Variants in AVL9 observed in about 807,000 individuals in gnomAD.
The protein encoded by AVL9 is late secretory pathway protein AVL9 homolog.
AVL9 carries 49 observed loss-of-function variants against 79.2 expected under a neutral mutation model. That is an observed-to-expected ratio of 0.62 (90% CI 0.49 to 0.79). The LOEUF (loss-of-function observed/expected upper bound fraction) is 0.79, where lower values mean the gene tolerates loss of function less well. Ranked by LOEUF, AVL9 falls within the 30% of genes least tolerant of loss-of-function variation. The pLI is 0.00. For synonymous variants in AVL9, 299 were observed against 280.6 expected, an observed-to-expected ratio of 1.07 and a Z score of -0.65; for missense variants, 682 against 776.8, an observed-to-expected ratio of 0.88 and a Z score of 1.45.
chr7:32,551,483 A>T, intron 5 of AVL9, 60 bp downstream of exon 5: 2 of 930,140 alleles, frequency 2.2e-6, no homozygotes, highest in Non-Finnish European at 3.4e-6. Flanking sequence ...AATCAAGTAA[A>T]TATTGTCAGT....
At chr7:32,511,767 G>A (rs1787685544) in intron 1 of AVL9, among the ~76,000 whole-genome samples, 1 of 152,088 alleles carries the variant, frequency 6.6e-6, no homozygotes, top group Non-Finnish European at 1.5e-5. Context: ...GCTGAGGGCA[G>A]GAAGTTTGAG....
chr7:32,541,183 G>A lies in AVL9; in HGVS notation c.94-1958G>A, dbSNP rs1583545236. On this transcript the variant is annotated intron_variant, in intron 1 of 15. Transcript: ENST00000318709. The stretch of plus-strand genomic sequence containing the variant: ...CCCAAAGTGCTGGGATTACAGGCGT[G>A]AGCCACCGCGCCCGGCCTGTACTAC... Among the ~76,000 whole-genome samples the A allele has an allele frequency of 3.3e-5, 5 of 152,088 alleles. No homozygotes were observed. The East Asian group carries it at 9.7e-4, about 29-fold the overall frequency.
chr7:32,542,107 T>A (rs1345281760), intron 1 of AVL9, among the ~76,000 whole-genome samples: 1 of 152,058 alleles, frequency 6.6e-6, no homozygotes, highest in Non-Finnish European at 1.5e-5. Flanking sequence ...AAACGTTGAT[T>A]GCTTCTGGAG....
At chr7:32,503,640 AG>A (rs1325376372) in intron 1 of AVL9, among the ~76,000 whole-genome samples, 1 of 150,648 alleles carries the variant, frequency 6.6e-6, no homozygotes, top group Non-Finnish European at 1.5e-5. Flanking sequence ...TCATTGTCAC[AG>A]GGTATGCTGA....
At chr7:32,498,119 T>A (rs143641930) in intron 1 of AVL9, among the ~76,000 whole-genome samples, 13 of 152,338 alleles carry the variant, frequency 8.5e-5, no homozygotes, top group African/African-American at 3.1e-4. Context: ...TCATTTGACA[T>A]GGACCTCAAA....
intron 1 of AVL9, chr7:32,532,270 C>A (rs1467699558): frequency 3.3e-5 from 5 of 152,248 alleles, no homozygotes; most frequent in African/African-American, 9.6e-5. Context: ...CTAGCTGCGT[C>A]TCTCTGCCAG....
Position 32,543,273 on chromosome 7 carries a change from G to C in AVL9, c.214+12G>C, listed in dbSNP as rs771555943. The C allele has an allele frequency of 6.2e-7, 1 of 1,611,408 alleles. No homozygotes were observed. Among genetic ancestry groups the C allele is most frequent in the Admixed American group, 1.7e-5 (1 of 59,290 alleles). On this transcript the variant is annotated intron_variant, in intron 2 of 15. Coordinates refer to ENST00000318709, the MANE Select transcript of AVL9 (RefSeq NM_015060.3). ...CAACTACCAGGAAGGTATGTAACAA[G>C]ACAGTGAAGCAGTTAGGTGCCATTT...
chr7:32,498,553 G>GA (rs1339115181), intron 1 of AVL9, among the ~76,000 whole-genome samples: 1 of 151,464 alleles, frequency 6.6e-6, no homozygotes, highest in Non-Finnish European at 1.5e-5. Flanking sequence ...TATTTTAAAT[G>GA]AAAAATTCCT....
chr7:32,552,837 C>T (rs1014041029), intron 6 of AVL9, among the ~76,000 whole-genome samples: 1 of 151,986 alleles, frequency 6.6e-6, no homozygotes, highest in African/African-American at 2.4e-5. Context: ...CTTTTCTTTG[C>T]GTTAATGCTG....
chr7:32,550,696 A>G (rs972517223), intron 4 of AVL9, among the ~76,000 whole-genome samples: 6 of 152,218 alleles, frequency 3.9e-5, no homozygotes, highest in Non-Finnish European at 8.8e-5. Context: ...TTCTAAATAG[A>G]GAAATAAGCA....
chr7:32,552,647 A>T (rs950907940), intron 6 of AVL9, among the ~76,000 whole-genome samples: 1 of 151,900 alleles, frequency 6.6e-6, no homozygotes, highest in Non-Finnish European at 1.5e-5. Flanking sequence ...GGCTCAAGCA[A>T]TTCTCCTGCC....
intron 1 of AVL9, chr7:32,535,693 C>T (rs567955487): frequency 5.3e-5 from 8 of 152,266 alleles, no homozygotes; most frequent in African/African-American, 1.7e-4. Context: ...CATTAAATTT[C>T]ACTATTTAAT....
chr7:32,510,972 C>T (rs1787644186), intron 1 of AVL9, among the ~76,000 whole-genome samples: 1 of 140,068 alleles, frequency 7.1e-6, no homozygotes, highest in Non-Finnish European at 1.6e-5. Context: ...TGTGGGAGTC[C>T]ACAATCCTGG....
At chr7:32,569,916 A>G in intron 10 of AVL9, 104 bp from the exon 11 acceptor site, 1 of 1,112,592 alleles carries the variant, frequency 9.0e-7, no homozygotes, top group Non-Finnish European at 1.3e-6. Flanking sequence ...CAGACAGGGC[A>G]AGGAAGAATG....
chr7:32,501,463 T>C (rs564842187), intron 1 of AVL9, among the ~76,000 whole-genome samples: 1 of 152,356 alleles, frequency 6.6e-6, no homozygotes, highest in Non-Finnish European at 1.5e-5. Flanking sequence ...TTCACTGCAC[T>C]TTTATTTCTT....
chr7:32,506,746 T>TAA (rs35935504), intron 1 of AVL9, among the ~76,000 whole-genome samples: 16 of 144,802 alleles, frequency 1.1e-4, no homozygotes, highest in Middle Eastern at 3.6e-3. Context: ...TGTCTCTATT[T>TAA]AAAAAAAAAA....
intron 1 of AVL9, among the ~76,000 whole-genome samples, chr7:32,503,904 A>G (rs1359061970): frequency 6.6e-6 from 1 of 152,088 alleles, no homozygotes; most frequent in East Asian, 1.9e-4. Context: ...GCAGGTCTCA[A>G]ACTCCTGAGC....
At chr7:32,533,236 G>A (rs1205078492) in intron 1 of AVL9, 2 of 152,194 alleles carry the variant, frequency 1.3e-5, no homozygotes, top group Non-Finnish European at 2.9e-5. Flanking sequence ...AAATCCAGGA[G>A]GTGGAAGTTT....
At chr7:32,571,794 T>G (rs565585358) in intron 11 of AVL9, among the ~76,000 whole-genome samples, 1 of 152,312 alleles carries the variant, frequency 6.6e-6, no homozygotes, top group Admixed American at 6.5e-5. Context: ...AGGAATTTTT[T>G]TTATTATTAT....
Sources: allele counts gnomAD v4.1 joint callset (sites outside exome capture counted in the v4.1 genomes callset), GRCh38; gene constraint gnomAD v4.1.1; transcripts MANE v1.5; gene names NCBI Gene and HGNC (gene_info 2026-07-23, HGNC 2026-07-21).